Variants in UBFD1 observed in about 807,000 individuals in gnomAD.
UBFD1 encodes the protein ubiquitin domain-containing protein UBFD1.
UBFD1 carries 12 observed loss-of-function variants against 35.1 expected under a neutral mutation model. The ratio of observed to expected loss-of-function variants is 0.34; its 90% CI spans 0.22 to 0.55. The LOEUF (loss-of-function observed/expected upper bound fraction) is 0.55. UBFD1 is among the 20% of genes least tolerant of loss of function. The pLI, the probability that UBFD1 is intolerant of heterozygous loss-of-function variation, is 0.89. For missense variants in UBFD1, 337 were observed against 410.8 expected (o/e 0.82, Z 1.55); for synonymous variants, 178 against 167.6 (o/e 1.06, Z -0.48).
chr16:23,559,761 A>G, intron 3 of UBFD1, 85 bp downstream of exon 3: 2 of 1,579,092 alleles, frequency 1.3e-6, no homozygotes, highest in Non-Finnish European at 1.7e-6. Flanking sequence ...TCCCTAGAAT[A>G]AGCTCCTTTT....
rs889903144 is a variant in UBFD1 at position 23,573,137 on chromosome 16, C to G, written c.*2547C>G. On this transcript the variant is annotated 3_prime_UTR_variant, in exon 7 of 7. Transcript: ENST00000395878. Reference sequence around the variant, plus strand: ...GCGTCACAGTGGTTTTTTTTTTCCTCAGGATAATTTCTATACAATTTCCTT... The same window carrying G: ...GCGTCACAGTGGTTTTTTTTTTCCTGAGGATAATTTCTATACAATTTCCTT... The G allele has an allele frequency of 6.6e-6, 1 of 150,976 alleles. No individual in the cohort carries two copies. The highest frequency in any genetic ancestry group is 1.5e-5 in the Non-Finnish European group (1 of 67,770). The allele number at this position is 150,976 out of a possible 1,614,324, so 9.4% of individuals were successfully genotyped here. A position where few individuals can be genotyped will look rare whatever the true frequency, so the allele number is the denominator to read the frequency against.
At chr16:23,559,424 T>G (rs1187069007) in intron 2 of UBFD1, 44 bp from the exon 3 acceptor site, 7 of 1,560,838 alleles carry the variant, frequency 4.5e-6, no homozygotes, top group Non-Finnish European at 6.1e-6. Context: ...TACATTTTTC[T>G]GTCCTTCCTT....
At chr16:23,566,157 CGAG>C (rs1337205199) in intron 5 of UBFD1, 2 of 152,116 alleles carry the variant, frequency 1.3e-5, no homozygotes, top group African/African-American at 4.8e-5. Context: ...GCGGAGGACT[CGAG>C]GAGGGAGGCC....
intron 1 of UBFD1, 46 bp downstream of exon 1, chr16:23,557,813 C>T (rs770139354): frequency 5.2e-5 from 66 of 1,273,798 alleles, no homozygotes; most frequent in Non-Finnish European, 4.8e-5. Context: ...GCTGAGGTTG[C>T]GGTCGCTCCT....
rs1439398538 is a variant in UBFD1 at position 23,572,975 on chromosome 16, G to A, written c.*2385G>A. On this transcript the variant is annotated 3_prime_UTR_variant, in exon 7 of 7. Transcript: ENST00000395878. ...AGAAGCCACTGGGAGAAGTGTTTTC[G>A]ATCCGTGTCTGGGCCACAGTAGTAT... The A allele has an allele frequency of 6.6e-6, 1 of 152,188 alleles. No homozygotes were observed. Among genetic ancestry groups the A allele is most frequent in the Non-Finnish European group, 1.5e-5 (1 of 68,026 alleles). 9.4% of individuals were successfully genotyped at this position (152,188 alleles called of 1,614,324 possible).
At chr16:23,567,196 C>T in intron 6 of UBFD1, 127 bp downstream of exon 6, 1 of 829,108 alleles carries the variant, frequency 1.2e-6, no homozygotes, top group South Asian at 1.7e-5. Context: ...TTTTTAAGAC[C>T]CTGATGTTTT....
chr16:23,562,352 T>C, intron 4 of UBFD1, 81 bp downstream of exon 4: 1 of 1,330,818 alleles, frequency 7.5e-7, no homozygotes, highest in Non-Finnish European at 1.0e-6. Flanking sequence ...TCCTGTCCCT[T>C]CTCTTTTTTC....
intron 6 of UBFD1, among the ~76,000 whole-genome samples, chr16:23,567,491 T>G (rs1045836953): frequency 2.0e-5 from 3 of 152,168 alleles, no homozygotes; most frequent in African/African-American, 7.2e-5. Flanking sequence ...GCCTCTTTTC[T>G]GTAATAACGA....
At chr16:23,569,589 G>A (rs979702277) in intron 6 of UBFD1, 3 of 152,106 alleles carry the variant, frequency 2.0e-5, no homozygotes, top group African/African-American at 7.2e-5. Context: ...AAAAGAAAGA[G>A]AATAACTGTC....
intron 5 of UBFD1, chr16:23,564,392 C>CT (rs1285551816): frequency 6.6e-6 from 1 of 152,248 alleles, no homozygotes; most frequent in African/African-American, 2.4e-5. Flanking sequence ...ACATTCAACT[C>CT]TAACTGCATG....
intron 6 of UBFD1, among the ~76,000 whole-genome samples, chr16:23,570,155 G>C (rs1242669609): frequency 6.6e-6 from 1 of 152,136 alleles, no homozygotes; most frequent in East Asian, 1.9e-4. Context: ...CTGGGAGCTT[G>C]CTAGTTTCTC....
rs1011722809 is a variant in UBFD1 at position 23,572,819 on chromosome 16, G to A, written c.*2229G>A. On this transcript the variant is annotated 3_prime_UTR_variant, in exon 7 of 7. Coordinates refer to ENST00000395878, the MANE Select transcript of UBFD1 (RefSeq NM_019116.3). ...ATAATAATGTAAATGACACCTTTTCGTACGGAGCTGTTTGAGTATTGCTTT... is the reference window on the plus strand; with the variant it reads ...ATAATAATGTAAATGACACCTTTTCATACGGAGCTGTTTGAGTATTGCTTT... The A allele has an allele frequency of 1.3e-5, 2 of 152,266 alleles. No individual in the cohort carries two copies. The highest frequency in any genetic ancestry group is 4.8e-5 in the African/African-American group (2 of 41,402). The allele number at this position is 152,266 out of a possible 1,614,324, so 9.4% of individuals were successfully genotyped here.
At chr16:23,558,338 A>G (rs954080381) in intron 2 of UBFD1, 59 bp downstream of exon 2, 6 of 1,578,542 alleles carry the variant, frequency 3.8e-6, no homozygotes, top group African/African-American at 1.4e-5. Flanking sequence ...TGGCCCTTGC[A>G]CCCTACTAGG....
Position 23,571,564 on chromosome 16 carries a change from T to C in UBFD1, c.*974T>C, listed in dbSNP as rs1177491156. Reference sequence around the variant, plus strand: ...GGTAGAAGATAGTTATACAGCCATATAGCTGCAGATCCAGATAACCTTCTT... The same window carrying C: ...GGTAGAAGATAGTTATACAGCCATACAGCTGCAGATCCAGATAACCTTCTT... On this transcript the variant is annotated 3_prime_UTR_variant, in exon 7 of 7. Transcript: ENST00000395878. The C allele has an allele frequency of 2.6e-5, 4 of 152,718 alleles. No individual in the cohort carries two copies. Among genetic ancestry groups the C allele is most frequent in the African/African-American group, 4.8e-5 (2 of 41,608 alleles). The allele number at this position is 152,718 out of a possible 1,614,324, so 9.5% of individuals were successfully genotyped here. A position where few individuals can be genotyped will look rare whatever the true frequency, so the allele number is the denominator to read the frequency against.
rs2142205693 is a variant in UBFD1 at position 23,557,956 on chromosome 16, A to G, written c.32A>G (p.Glu11Gly). The G allele has an allele frequency of 7.4e-7, 1 of 1,353,512 alleles. No homozygotes were observed. The highest frequency in any genetic ancestry group is 9.5e-7 in the Non-Finnish European group (1 of 1,054,264). 83.8% of individuals were successfully genotyped at this position (1,353,512 alleles called of 1,614,324 possible). The change falls in exon 2 of 7, where the codon GAG (glutamate) becomes GGG (glycine). Residue 11 changes from glutamate to glycine, a missense_variant. Glu to Gly is a moderately conservative substitution (Grantham distance 98). Coordinates refer to ENST00000395878, the MANE Select transcript of UBFD1 (RefSeq NM_019116.3). MAAAGAPDGM[E>G]EPGMDTEAET... ...CCCCCTAACCCCCTTGCAGGCATGG[A>G]GGAACCTGGCATGGACACGGAGGCC...
intron 6 of UBFD1, among the ~76,000 whole-genome samples, chr16:23,568,280 C>T (rs571942966): frequency 6.6e-6 from 1 of 151,720 alleles, no homozygotes; most frequent in South Asian, 2.1e-4. Context: ...CTGCCTCTGC[C>T]TCCTGAGTAG....
In UBFD1 at chr16:23,558,102, C is replaced by G; in HGVS notation, c.178C>G (p.Gln60Glu). Residue 60 changes from glutamine to glutamate, a missense_variant, in exon 2 of 7, where the codon CAG (glutamine) becomes GAG (glutamate). Gln to Glu is a conservative substitution (Grantham distance 29). This residue lies in a region of UBFD1 where 198 missense variants were observed against 168.4 expected (regional missense o/e 1.18). Transcript: ENST00000395878. Reference sequence around the variant, plus strand: ...AGGCAGCCTGCAGCCGGCCCCGGCCCAGCCCCCTGGGGACCCCGCAGCCCA... The same window carrying G: ...AGGCAGCCTGCAGCCGGCCCCGGCCGAGCCCCCTGGGGACCCCGCAGCCCA... ...ARGSLQPAPA[Q>E]PPGDPAAQAS... The G allele has an allele frequency of 6.4e-7, 1 of 1,555,874 alleles. No individual in the cohort carries two copies.
chr16:23,562,314 C>G, intron 4 of UBFD1, 43 bp downstream of exon 4: 1 of 1,583,214 alleles, frequency 6.3e-7, no homozygotes. Context: ...ATGAGGCAGC[C>G]CCACCGTCTG....
chr16:23,558,655 A>G (rs191086656), intron 2 of UBFD1, among the ~76,000 whole-genome samples: 15 of 152,352 alleles, frequency 9.8e-5, no homozygotes, highest in Admixed American at 1.3e-4. Context: ...TATCTTAGGT[A>G]ATTCTTCTAA....
Sources: gnomAD v4.1 joint callset for allele counts (sites outside exome capture counted in the v4.1 genomes callset) on GRCh38, gnomAD v4.1.1 for gene constraint, gnomAD v4.1.1 regional missense constraint, MANE v1.5 for transcripts, NCBI Gene and HGNC (gene_info 2026-07-23, HGNC 2026-07-21) for gene names.